ZFHX2: variants seen among roughly 807,000 people sequenced by gnomAD.
ZFHX2 encodes the protein zinc finger homeobox 2.
Under a neutral mutation model 164.8 loss-of-function variants are expected in ZFHX2, and 75 were observed. The observed-to-expected ratio is 0.46, with a 90% CI of 0.38 to 0.55. The LOEUF is 0.55. Ranked by LOEUF, ZFHX2 falls within the 20% of genes least tolerant of loss-of-function variation. ZFHX2 has a pLI of 0.00. For synonymous variants in ZFHX2, 1,217 were observed against 1,351.4 expected (o/e 0.90, Z 2.18); for missense variants, 2,933 against 3,308.0 (o/e 0.89, Z 2.78).
rs765976043 is a variant in ZFHX2 at position 23,534,629 on chromosome 14, C to A, written c.697G>T (p.Val233Leu). 6.5e-7 allele frequency: 1 copy of A among 1,536,064 alleles called. No homozygotes were observed. The highest frequency in any genetic ancestry group is 8.7e-7 in the Non-Finnish European group (1 of 1,146,926). The change falls in exon 2 of 10, where the codon GTG (valine) becomes TTG (leucine). Residue 233 changes from valine (V) to leucine (L), a missense_variant. Val to Leu is a conservative substitution (Grantham distance 32). Transcript: ENST00000419474. The surrounding 1 kb of genome is among the most constrained non-coding windows in gnomAD (Gnocchi z 4.5). ...AGAAGGCAGAGCCAGAAGACCGCCA[C>A]GTGGTTGCCCCCGCTGTTCCCCATG... ...GPMGNSGGNH[V>L]AVFWLCLLCR... is the part of the protein sequence containing the mutation.
chr14:23,526,099 AGTCTTG>A lies in ZFHX2; in HGVS notation c.3837_3842del (p.Lys1280_Thr1281del). 1 of 1,536,398 alleles carries A rather than the reference AGTCTTG, an allele frequency of 6.5e-7. No homozygotes were observed. Among genetic ancestry groups the A allele is most frequent in the Non-Finnish European group, 8.7e-7 (1 of 1,146,902 alleles). ...GTTCTGGCCCTTCAATCTTGGAATCAGTCTTGGTTCCCCGAGAGCGAGTCTGATGCA... is the reference window on the plus strand; with the variant it reads ...GTTCTGGCCCTTCAATCTTGGAATCAGTTCCCCGAGAGCGAGTCTGATGCA... On this transcript the variant is annotated inframe_deletion, in exon 9 of 10. Transcript: ENST00000419474.
chr14:23,521,131 A>C lies in ZFHX2; in HGVS notation c.*831T>G, dbSNP rs1266710644. The stretch of plus-strand genomic sequence containing the variant: ...GCCGCTGAGAGGATCTCTGTGTTTA[A>C]AGCCTTTGAGAATAAGTTACTGCAG... On this transcript the variant is annotated 3_prime_UTR_variant, in exon 10 of 10. Transcript: ENST00000419474. 1.3e-5 allele frequency: 2 copies of C among 152,262 alleles called. No homozygotes were observed. The highest frequency in any genetic ancestry group is 2.4e-5 in the African/African-American group (1 of 41,406). The allele number at this position is 152,262 out of a possible 1,614,324, so 9.4% of individuals were successfully genotyped here.
intron 1 of ZFHX2, among the ~76,000 whole-genome samples, chr14:23,540,720 A>G (rs1880705687): frequency 6.6e-6 from 1 of 152,156 alleles, no homozygotes; most frequent in African/African-American, 2.4e-5. Context: ...TATCTGGGAA[A>G]ATGGGAATAA....
intron 6 of ZFHX2, chr14:23,529,330 G>C (rs772300750): frequency 4.3e-6 from 1 of 233,316 alleles, no homozygotes; most frequent in African/African-American, 2.3e-5. Context: ...TAGGAACACC[G>C]GTGTCTTGTC....
chr14:23,541,209 G>A (rs1335727425), intron 1 of ZFHX2, among the ~76,000 whole-genome samples: 1 of 150,768 alleles, frequency 6.6e-6, no homozygotes, highest in African/African-American at 2.4e-5. Flanking sequence ...CCCGGCCTCT[G>A]TTCACCCCTT....
rs1179422525 is a variant in ZFHX2 at position 23,531,541 on chromosome 14, C to T, written c.2740G>A (p.Glu914Lys). The T allele has an allele frequency of 6.6e-7, 1 of 1,518,792 alleles. No homozygotes were observed. The highest frequency in any genetic ancestry group is 2.5e-5 in the East Asian group (1 of 40,292). 94.1% of individuals were successfully genotyped at this position (1,518,792 alleles called of 1,614,324 possible). A position where few individuals can be genotyped will look rare whatever the true frequency, so the allele number is the denominator to read the frequency against. Residue 914 changes from glutamate to lysine, a missense_variant, in exon 4 of 10, where the codon GAA becomes AAA. By Grantham distance (56) the Glu-to-Lys change is moderately conservative (BLOSUM62 1). Coordinates refer to ENST00000419474, the MANE Select transcript of ZFHX2 (RefSeq NM_033400.3). Reference protein sequence around the residue: ...QLLQNGPTTEEGLAALQSILS... With the variant: ...QLLQNGPTTEKGLAALQSILS... ...ATGCTCTGAAGAGCTGCGAGTCCTT[C>T]CTCAGTGGTTGGGCCATTCTGTAGC...
In ZFHX2 at chr14:23,522,609, G is replaced by T; in HGVS notation, c.7072C>A (p.Pro2358Thr). 1 of 1,532,270 alleles carries T rather than the reference G, an allele frequency of 6.5e-7. No homozygotes were observed. Among genetic ancestry groups the T allele is most frequent in the African/African-American group, 1.4e-5 (1 of 73,078 alleles). The allele number at this position is 1,532,270 out of a possible 1,614,324, so 94.9% of individuals were successfully genotyped here. A position where few individuals can be genotyped will look rare whatever the true frequency, so the allele number is the denominator to read the frequency against. Residue 2358 changes from proline to threonine, a missense_variant, in exon 10 of 10, where the codon CCG becomes ACG. Coordinates refer to ENST00000419474, the MANE Select transcript of ZFHX2 (RefSeq NM_033400.3). ...AGCTGGGGGCCAAAGACAGCTGGCG[G>T]TGCTGTTCCCCCAGCAGGGGGCAAT... ...FPLPPAGGTAPPAVFGPQLQG... is the reference protein window; with the variant it reads ...FPLPPAGGTATPAVFGPQLQG...
At chr14:23,551,998 C>A (rs897737532), upstream of ZFHX2, among the ~76,000 whole-genome samples, 2 of 152,230 alleles carry the variant, frequency 1.3e-5, no homozygotes, top group Non-Finnish European at 2.9e-5. This position sits in a 1 kb window ranked among gnomAD's most constrained non-coding sequence, Gnocchi z 5.3. Context: ...CATCCTGTGG[C>A]CTGCAGAAAC....
At position 23,523,003 on chromosome 14, in the gene ZFHX2, A is replaced by G; in HGVS notation, c.6740-62T>C. On this transcript the variant is annotated intron_variant, in intron 9 of 9. Transcript: ENST00000419474. This position sits in a 1 kb window ranked among gnomAD's most constrained non-coding sequence, Gnocchi z 4.1. ...CTCCTGTCCCATCATTCTTCCTGCC[A>G]TAGGCCACCTCCAGCCACACACACC... The G allele has an allele frequency of 2.8e-6, 4 of 1,423,574 alleles. No homozygotes were observed. The highest frequency in any genetic ancestry group is 3.7e-6 in the Non-Finnish European group (4 of 1,092,996). The allele number at this position is 1,423,574 out of a possible 1,614,324, so 88.2% of individuals were successfully genotyped here. A position where few individuals can be genotyped will look rare whatever the true frequency, so the allele number is the denominator to read the frequency against.
chr14:23,547,269 CGTT>C (rs1566595375), intron 1 of ZFHX2, among the ~76,000 whole-genome samples: 1 of 152,208 alleles, frequency 6.6e-6, no homozygotes. Context: ...ATGCTGCCTT[CGTT>C]GTATTAATAA....
At chr14:23,542,075 G>C (rs1455877046) in intron 1 of ZFHX2, 1 of 152,466 alleles carries the variant, frequency 6.6e-6, no homozygotes, top group East Asian at 1.9e-4. Flanking sequence ...GAGGGAGGAA[G>C]AAGGGAAGGA....
intron 1 of ZFHX2, among the ~76,000 whole-genome samples, chr14:23,545,765 C>G (rs1881320188): frequency 6.6e-6 from 1 of 152,090 alleles, no homozygotes; most frequent in African/African-American, 2.4e-5. Flanking sequence ...GTGATGGAGG[C>G]AAGAGAAGCA....
rs3835264 is a variant in ZFHX2 at position 23,551,513 on chromosome 14, GA to G, written c.-221del. The stretch of plus-strand genomic sequence containing the variant: ...CTCCGGGGCGTCAGGGACGGAGACG[GA>G]AAAAAATAAATAAATAAATTCACGG... On this transcript the variant is annotated 5_prime_UTR_variant, in exon 1 of 10. Coordinates refer to ENST00000419474, the MANE Select transcript of ZFHX2 (RefSeq NM_033400.3). The surrounding 1 kb of genome is among the most constrained non-coding windows in gnomAD (Gnocchi z 5.3). 25,119 of 152,258 alleles carry G rather than the reference GA, an allele frequency of 0.16. 2,699 individuals carry two copies. Among genetic ancestry groups the G allele is most frequent in the African/African-American group, 0.29 (12,011 of 41,326 alleles). The allele number at this position is 152,258 out of a possible 1,614,324, so 9.4% of individuals were successfully genotyped here. A position where few individuals can be genotyped will look rare whatever the true frequency, so the allele number is the denominator to read the frequency against.
In ZFHX2 at chr14:23,548,765, C is replaced by G. The variant is rs568351771; in HGVS notation, c.-50+2578G>C. 2.6e-5 allele frequency among the ~76,000 whole-genome samples: 4 copies of G among 152,204 alleles called. No homozygotes were observed. In the South Asian group the frequency reaches 8.3e-4, roughly 32 times the overall value. On this transcript the variant is annotated intron_variant, in intron 1 of 9. Transcript: ENST00000419474. ...TCCCTGGATATTTCTGCTTTCTCTC[C>G]CTCTCTTGGGCATTTCTCTCTTCTG... is the stretch of plus-strand genomic sequence containing the variant.
upstream of ZFHX2, chr14:23,555,935 C>T (rs1882328770): frequency 6.6e-6 from 1 of 152,284 alleles, no homozygotes; most frequent in Non-Finnish European, 1.5e-5. Flanking sequence ...TTCCTGTCGC[C>T]ATAGCGACGG....
rs2138679278 is a variant in ZFHX2, at chr14:23,525,251, G to A, written c.4691C>T (p.Ala1564Val). 6.5e-7 allele frequency: 1 copy of A among 1,536,084 alleles called. No individual in the cohort carries two copies. The highest frequency in any genetic ancestry group is 1.2e-5 in the South Asian group (1 of 84,058). The change falls in exon 9 of 10, where the codon GCC (alanine) becomes GTC (valine). Residue 1564 changes from alanine (A) to valine (V), a missense_variant. Ala to Val is a moderately conservative substitution (Grantham distance 64). Transcript: ENST00000419474. This position sits in a 1 kb window ranked among gnomAD's most constrained non-coding sequence, Gnocchi z 5.9. Reference protein sequence around the residue: ...VPEPEAGGTRAPEERSRAGGH... With the variant: ...VPEPEAGGTRVPEERSRAGGH... ...CCCTGCTCGACTTCGCTCTTCAGGGGCACGGGTCCCCCCTGCCTCAGGCTC... is the reference window on the plus strand; with the variant it reads ...CCCTGCTCGACTTCGCTCTTCAGGGACACGGGTCCCCCCTGCCTCAGGCTC...
rs1175769062 is a variant in ZFHX2 at position 23,522,404 on chromosome 14, T to G, written c.7277A>C (p.Glu2426Ala). ...PKPPELPAPG[E>A]GEAGEVDELL... ...CTCATCAACCTCACCAGCTTCCCCC[T>G]CCCCTGGAGCAGGCAGTTCAGGAGG... The change falls in exon 10 of 10, where the codon GAG becomes GCG. Residue 2426 changes from glutamate to alanine, a missense_variant. Physicochemically the swap from Glu to Ala is moderately radical, Grantham distance 107. Coordinates refer to ENST00000419474, the MANE Select transcript of ZFHX2 (RefSeq NM_033400.3). The G allele has an allele frequency of 1.3e-6, 2 of 1,536,204 alleles. No individual in the cohort carries two copies. The highest frequency in any genetic ancestry group is 2.0e-5 in the Admixed American group (1 of 50,984).
In ZFHX2 at chr14:23,535,394, G is replaced by A; in HGVS notation, c.-49-20C>T. 1 of 1,424,842 alleles carries A rather than the reference G, an allele frequency of 7.0e-7. No individual in the cohort carries two copies. The highest frequency in any genetic ancestry group is 9.2e-7 in the Non-Finnish European group (1 of 1,091,830). The allele number at this position is 1,424,842 out of a possible 1,614,324, so 88.3% of individuals were successfully genotyped here. On this transcript the variant is annotated intron_variant, in intron 1 of 9. Transcript: ENST00000419474. This position sits in a 1 kb window ranked among gnomAD's most constrained non-coding sequence, Gnocchi z 4.5. ...AGTACCCTGTAGGGAGACAAGGAGA[G>A]AGCAGTGCTGTGAGGCTGCAGGGAC...
chr14:23,526,150 C>T lies in ZFHX2; in HGVS notation c.3792G>A (p.Glu1264=). 6.5e-7 allele frequency: 1 copy of T among 1,536,520 alleles called. No individual in the cohort carries two copies. Among genetic ancestry groups the T allele is most frequent in the South Asian group, 1.2e-5 (1 of 84,056 alleles). The change falls in exon 9 of 10, where the codon GAG becomes GAA. Residue 1264 remains glutamate (E), a synonymous_variant. Coordinates refer to ENST00000419474, the MANE Select transcript of ZFHX2 (RefSeq NM_033400.3). The stretch of plus-strand genomic sequence containing the variant: ...GATGCAGAACTGACCGCATGTGGAT[C>T]TCCAGGGTGGAGCTCTGGTTGTAGG... ...RVSYNQSSTL[E]IHMRSVLHQT...
Sources: gnomAD v4.1 joint callset for allele counts (sites outside exome capture counted in the v4.1 genomes callset) on GRCh38, gnomAD v4.1.1 for gene constraint, Gnocchi (gnomAD v3.1) non-coding constraint, MANE v1.5 for transcripts, NCBI Gene and HGNC (gene_info 2026-07-23, HGNC 2026-07-21) for gene names.